ERC1: variants seen among roughly 807,000 people sequenced by gnomAD.
ERC1 encodes the protein ELKS/RAB6-interacting/CAST family member 1, also known as RAB6 interacting protein 2.
In ERC1, 56 loss-of-function variants were observed where a neutral mutation model predicts 132.0. The observed-to-expected ratio is 0.42, with a 90% CI of 0.34 to 0.53. ERC1 has a LOEUF of 0.53. ERC1 is among the 20% of genes least tolerant of loss of function. The pLI is 0.03. For missense variants in ERC1, 1,202 were observed against 1,349.9 expected (o/e 0.89, Z 1.72); for synonymous variants, 478 against 476.1 (o/e 1.00, Z -0.05).
At chr12:1,290,582 T>C (rs1167193354) in intron 15 of ERC1, among the ~76,000 whole-genome samples, 1 of 152,240 alleles carries the variant, frequency 6.6e-6, no homozygotes, top group Non-Finnish European at 1.5e-5. Flanking sequence ...GAAGCATGTA[T>C]ACATCTGCTA....
At chr12:1,420,238 C>T (rs750008457) in intron 17 of ERC1, among the ~76,000 whole-genome samples, 7 of 152,268 alleles carry the variant, frequency 4.6e-5, no homozygotes, top group Non-Finnish European at 1.0e-4. Context: ...ATTTAGGCAA[C>T]TTAACAGCTA....
intron 15 of ERC1, among the ~76,000 whole-genome samples, chr12:1,297,365 A>G (rs1378422734): frequency 1.3e-5 from 2 of 151,992 alleles, no homozygotes; most frequent in Non-Finnish European, 1.5e-5. Flanking sequence ...CTGAAGGGAA[A>G]TGAATCCAGA....
intron 3 of ERC1, among the ~76,000 whole-genome samples, chr12:1,084,118 G>A (rs769666947): frequency 9.9e-5 from 15 of 152,218 alleles, no homozygotes; most frequent in Non-Finnish European, 2.1e-4. Flanking sequence ...GCTGGAGAGA[G>A]TGATGTAGAG....
chr12:1,072,971 G>A (rs986160132), intron 2 of ERC1, among the ~76,000 whole-genome samples: 8 of 152,124 alleles, frequency 5.3e-5, no homozygotes, highest in South Asian at 2.1e-4. Context: ...GGGATTACAG[G>A]CGTGAGCCAC....
At chr12:1,333,154 C>T (rs1035905143) in intron 15 of ERC1, among the ~76,000 whole-genome samples, 5 of 151,618 alleles carry the variant, frequency 3.3e-5, no homozygotes, top group Admixed American at 1.3e-4. Flanking sequence ...TCTATGTGTC[C>T]GCGTGTTCTC....
intron 3 of ERC1, 33 bp from the exon 4 acceptor site, chr12:1,104,717 A>G (rs1053672723): frequency 2.7e-6 from 4 of 1,472,878 alleles, no homozygotes; most frequent in African/African-American, 2.8e-5. Flanking sequence ...TGAACAGGAG[A>G]GCACTGAATC....
At chr12:1,073,511 T>G (rs1593120402) in intron 2 of ERC1, among the ~76,000 whole-genome samples, 1 of 146,186 alleles carries the variant, frequency 6.8e-6, no homozygotes, top group Non-Finnish European at 1.5e-5. Context: ...AATTAGGGGG[T>G]GGTGGCGTAC....
intron 13 of ERC1, among the ~76,000 whole-genome samples, chr12:1,250,810 A>G (rs1445506497): frequency 6.6e-6 from 1 of 152,192 alleles, no homozygotes; most frequent in African/African-American, 2.4e-5. Flanking sequence ...TCCTATCAAT[A>G]GTGGTTTGGG....
chr12:1,110,076 A>G, intron 4 of ERC1, 116 bp from the exon 5 acceptor site: 1 of 884,336 alleles, frequency 1.1e-6, no homozygotes, highest in African/African-American at 1.7e-5. Context: ...GCCAGACAGC[A>G]TTTTTTCTGT....
chr12:1,384,399 C>A (rs1441553388), intron 16 of ERC1, among the ~76,000 whole-genome samples: 1 of 152,124 alleles, frequency 6.6e-6, no homozygotes, highest in African/African-American at 2.4e-5. Context: ...AATCTGTGTG[C>A]TCATAACCCT....
intron 16 of ERC1, chr12:1,380,239 CTGA>C (rs1330707482): frequency 1.3e-5 from 2 of 152,230 alleles, no homozygotes; most frequent in Non-Finnish European, 2.9e-5. Context: ...TCTTCATCTT[CTGA>C]TGCTGCTTCT....
intron 1 of ERC1, among the ~76,000 whole-genome samples, chr12:1,007,540 C>CTCTCTCTCTGTGTGTGTGTG (rs1555194875): frequency 2.8e-4 from 34 of 122,778 alleles, no homozygotes; most frequent in South Asian, 1.8e-3. Flanking sequence ...CTCTCTCTCT[C>CTCTCTCTCTGTGTGTGTGTG]TGTGTGTGTG....
intron 4 of ERC1, among the ~76,000 whole-genome samples, chr12:1,107,642 A>G (rs1945405802): frequency 3.3e-5 from 5 of 152,100 alleles, no homozygotes; most frequent in African/African-American, 1.2e-4. Flanking sequence ...TTATGGCAAG[A>G]GTGGTGATTG....
intron 18 of ERC1, among the ~76,000 whole-genome samples, chr12:1,470,976 T>C (rs2093848840): frequency 6.6e-6 from 1 of 152,246 alleles, no homozygotes; most frequent in African/African-American, 2.4e-5. Flanking sequence ...TCTTAGTGTA[T>C]AGAGGCTCAT....
chr12:1,256,547 T>C (rs568368876), intron 13 of ERC1, among the ~76,000 whole-genome samples: 1 of 150,990 alleles, frequency 6.6e-6, no homozygotes, highest in South Asian at 2.1e-4. Context: ...TTTTTTCAGC[T>C]GAACTTTGAT....
At chr12:1,469,054 A>G (rs1328098667) in intron 18 of ERC1, among the ~76,000 whole-genome samples, 3 of 152,246 alleles carry the variant, frequency 2.0e-5, no homozygotes, top group Non-Finnish European at 4.4e-5. Context: ...AATGCATAAC[A>G]GCAGATAGAT....
At position 1,385,581 on chromosome 12, in the gene ERC1, G is replaced by A. The variant is rs148173290; in HGVS notation, c.2925+13604G>A. On this transcript the variant is annotated intron_variant, in intron 16 of 18. Coordinates refer to ENST00000360905, the MANE Select transcript of ERC1 (RefSeq NM_178040.4). ...ATTCCAGGCGTGAGCCACCGCGCCC[G>A]GCCCCTATCTATCTTATTATTGAGA... Among the ~76,000 whole-genome samples the A allele has an allele frequency of 4.5e-3, 687 of 152,260 alleles. 5 individuals are homozygous for A. The highest frequency in any genetic ancestry group is 0.016 in the African/African-American group (655 of 41,558).
intron 2 of ERC1, among the ~76,000 whole-genome samples, chr12:1,048,810 A>G (rs1351234572): frequency 2.0e-5 from 3 of 152,358 alleles, no homozygotes; most frequent in South Asian, 2.1e-4. Flanking sequence ...AGTATAATAT[A>G]ATTACGAAAG....
chr12:1,045,452 A>G (rs1970936798), intron 2 of ERC1, among the ~76,000 whole-genome samples: 1 of 152,176 alleles, frequency 6.6e-6, no homozygotes, highest in Non-Finnish European at 1.5e-5. Flanking sequence ...TTGTAGATAT[A>G]GATGCTAATA....
Sources: allele counts gnomAD v4.1 joint callset (sites outside exome capture counted in the v4.1 genomes callset), GRCh38; gene constraint gnomAD v4.1.1; transcripts MANE v1.5; gene names NCBI Gene and HGNC (gene_info 2026-07-23, HGNC 2026-07-21).